Variants in ZCCHC2 observed in about 807,000 individuals in gnomAD.
ZCCHC2 encodes the protein zinc finger CCHC-type containing 2, also known as zinc finger CCHC domain-containing protein 2.
ZCCHC2 carries 39 observed loss-of-function variants against 103.6 expected under a neutral mutation model. The observed-to-expected ratio is 0.38, with a 90% CI of 0.29 to 0.49. The LOEUF (loss-of-function observed/expected upper bound fraction) is 0.49. ZCCHC2 is among the 20% of genes least tolerant of loss of function. The pLI is 0.96. For synonymous variants in ZCCHC2, 687 were observed against 608.9 expected (o/e 1.13, Z -1.89); for missense variants, 1,483 against 1,491.0 (o/e 0.99, Z 0.09).
downstream of ZCCHC2, among the ~76,000 whole-genome samples, chr18:62,579,815 C>T (rs888937367): frequency 7.9e-5 from 12 of 152,066 alleles, no homozygotes; most frequent in Admixed American, 2.6e-4. Flanking sequence ...CTCCACCTCC[C>T]GGGTTCAAGT....
intron 7 of ZCCHC2, among the ~76,000 whole-genome samples, chr18:62,559,437 A>G (rs948285685): frequency 1.3e-5 from 2 of 152,250 alleles, no homozygotes; most frequent in South Asian, 2.1e-4. Context: ...AAATGGAAAC[A>G]GGTGTCATCT....
At chr18:62,565,153 CT>C in intron 11 of ZCCHC2, 57 bp downstream of exon 11, 2 of 847,708 alleles carry the variant, frequency 2.4e-6, no homozygotes, top group Non-Finnish European at 3.8e-6. Flanking sequence ...CAGCATGATA[CT>C]TACTGTATTA....
chr18:62,579,535 A>C (rs1428612010), downstream of ZCCHC2, among the ~76,000 whole-genome samples: 1 of 152,132 alleles, frequency 6.6e-6, no homozygotes, highest in Non-Finnish European at 1.5e-5. Context: ...GTTTGAAATG[A>C]TTATAAATTC....
chr18:62,550,967 C>A (rs1178321468), intron 5 of ZCCHC2, among the ~76,000 whole-genome samples: 1 of 152,104 alleles, frequency 6.6e-6, no homozygotes, highest in Non-Finnish European at 1.5e-5. Flanking sequence ...ATGAGATGAT[C>A]TTGGATTAAT....
rs745351995 is a variant in ZCCHC2 at position 62,532,962 on chromosome 18, A to T, written c.940-6719A>T. On this transcript the variant is annotated intron_variant, in intron 1 of 13. Coordinates refer to ENST00000269499, the MANE Select transcript of ZCCHC2 (RefSeq NM_017742.6). ...GGAGGCAGGAGGATCACTTGAGCCC[A>T]GGAGGATAGCTTGACCCAGCCTGGA... 3.9e-5 allele frequency among the ~76,000 whole-genome samples: 6 copies of T among 152,194 alleles called. 1 individual carries two copies. The highest frequency in any genetic ancestry group is 3.9e-4 in the Admixed American group (6 of 15,280).
intron 1 of ZCCHC2, among the ~76,000 whole-genome samples, chr18:62,533,501 G>C (rs1448101901): frequency 1.3e-5 from 2 of 152,000 alleles, no homozygotes; most frequent in Non-Finnish European, 2.9e-5. Context: ...CTCCAACCAG[G>C]GTGACAGAGT....
chr18:62,547,146 G>A (rs1915448318), intron 4 of ZCCHC2, among the ~76,000 whole-genome samples: 1 of 151,992 alleles, frequency 6.6e-6, no homozygotes, highest in South Asian at 2.1e-4. Context: ...CCAACATGGT[G>A]AAACCCCATG....
Position 62,524,387 on chromosome 18 carries a change from G to T in ZCCHC2, c.939+24G>T, listed in dbSNP as rs537529225. 33 of 1,449,586 alleles carry T rather than the reference G, an allele frequency of 2.3e-5. No homozygotes were observed. The Middle Eastern group carries it at 6.1e-4, about 27-fold the overall frequency. The allele number at this position is 1,449,586 out of a possible 1,614,324, so 89.8% of individuals were successfully genotyped here. On this transcript the variant is annotated intron_variant, in intron 1 of 13. Transcript: ENST00000269499. ...AGGTAAGGCGCACGGAGCCTCCCTG[G>T]ACTCGCGGTGCGATCGCTGCCCCGG...
intron 1 of ZCCHC2, among the ~76,000 whole-genome samples, chr18:62,531,785 A>T (rs371466554): frequency 2.4e-4 from 24 of 98,584 alleles, no homozygotes; most frequent in African/African-American, 9.2e-4. Flanking sequence ...CCATCTCTAC[A>T]AAAAGTAAAA....
At chr18:62,529,611 G>C (rs1168907115) in intron 1 of ZCCHC2, among the ~76,000 whole-genome samples, 1 of 152,196 alleles carries the variant, frequency 6.6e-6, no homozygotes, top group Non-Finnish European at 1.5e-5. Flanking sequence ...ATATCAAATA[G>C]TGATTATTTT....
At chr18:62,545,193 C>T (rs780782103) in intron 4 of ZCCHC2, among the ~76,000 whole-genome samples, 6 of 152,034 alleles carry the variant, frequency 3.9e-5, no homozygotes, top group Non-Finnish European at 7.4e-5. Flanking sequence ...CAAGACCAGA[C>T]TGGGCAACTT....
At chr18:62,557,874 GT>G (rs956891040) in intron 6 of ZCCHC2, among the ~76,000 whole-genome samples, 7 of 152,150 alleles carry the variant, frequency 4.6e-5, no homozygotes, top group African/African-American at 1.2e-4. Flanking sequence ...GGTGGATTTT[GT>G]TTTTAGGTTG....
At position 62,523,867 on chromosome 18, in the gene ZCCHC2, C is replaced by T. The variant is rs1426784216; in HGVS notation, c.443C>T (p.Ser148Leu). The change falls in exon 1 of 14, where the codon TCG becomes TTG. Residue 148 changes from serine to leucine, a missense_variant. Transcript: ENST00000269499. Reference protein sequence around the residue: ...ARKDYHYLRDSEAKANGLSDP... With the variant: ...ARKDYHYLRDLEAKANGLSDP... ...AAGGACTACCACTACCTGCGCGACT[C>T]GGAGGCCAAGGCCAACGGCCTCTCG... 10 of 1,544,142 alleles carry T rather than the reference C, an allele frequency of 6.5e-6. No homozygotes were observed. Among genetic ancestry groups the T allele is most frequent in the South Asian group, 1.2e-5 (1 of 83,930 alleles).
At chr18:62,569,107 C>T (rs1212751663) in intron 11 of ZCCHC2, among the ~76,000 whole-genome samples, 2 of 152,188 alleles carry the variant, frequency 1.3e-5, no homozygotes, top group Admixed American at 6.5e-5. Context: ...AATTTAGCAA[C>T]ATCAACATTC....
chr18:62,561,543 G>A (rs1916117445), intron 8 of ZCCHC2, among the ~76,000 whole-genome samples: 1 of 152,188 alleles, frequency 6.6e-6, no homozygotes, highest in South Asian at 2.1e-4. Context: ...GTCATTCTGG[G>A]AGGGCCCAGA....
Position 62,523,934 on chromosome 18 carries a change from C to G in ZCCHC2, c.510C>G (p.Arg170=). The change falls in exon 1 of 14, where the codon CGC becomes CGG. Residue 170 remains arginine (R), a synonymous_variant. Transcript: ENST00000269499. ...PLADFREPAV[R]SRLIVYLALL... ...CCGACTTCCGAGAGCCCGCGGTGCG[C>G]TCGCGCCTCATCGTCTACCTGGCGC... 4 of 1,527,444 alleles carry G rather than the reference C, an allele frequency of 2.6e-6. No individual in the cohort carries two copies. The highest frequency in any genetic ancestry group is 3.5e-6 in the Non-Finnish European group (4 of 1,141,152). 94.6% of individuals were successfully genotyped at this position (1,527,444 alleles called of 1,614,324 possible).
intron 11 of ZCCHC2, among the ~76,000 whole-genome samples, chr18:62,568,989 T>C (rs1916482991): frequency 6.6e-6 from 1 of 152,226 alleles, no homozygotes. Flanking sequence ...AGGTAACTTT[T>C]CTGTAAAATT....
chr18:62,576,504 C>T lies in ZCCHC2; in HGVS notation c.3470-8C>T. ...AGCGGTGACTTAGTTCTGTCTTTCC[C>T]ATTTTAGGCACTTACAGACTGAGAT... On this transcript the variant is annotated splice_polypyrimidine_tract_variant and splice_region_variant and intron_variant, in intron 13 of 13. Coordinates refer to ENST00000269499, the MANE Select transcript of ZCCHC2 (RefSeq NM_017742.6). 6.2e-7 allele frequency: 1 copy of T among 1,612,874 alleles called. No homozygotes were observed.
intron 9 of ZCCHC2, among the ~76,000 whole-genome samples, chr18:62,564,050 G>A (rs536441893): frequency 1.7e-4 from 26 of 152,278 alleles, no homozygotes; most frequent in Non-Finnish European, 2.9e-4. Context: ...CCTGGCCAAC[G>A]CTCAGATCCA....
Sources: gnomAD v4.1 joint callset for allele counts (sites outside exome capture counted in the v4.1 genomes callset) on GRCh38, gnomAD v4.1.1 for gene constraint, MANE v1.5 for transcripts, NCBI Gene and HGNC (gene_info 2026-07-23, HGNC 2026-07-21) for gene names.